NIBAN2: variants seen among roughly 807,000 people sequenced by gnomAD.
NIBAN2 encodes the protein protein Niban 2.
NIBAN2 carries 36 observed loss-of-function variants against 81.8 expected under a neutral mutation model. The ratio of observed to expected loss-of-function variants is 0.44; its 90% confidence interval spans 0.34 to 0.58. The LOEUF (loss-of-function observed/expected upper bound fraction) is 0.58. Ranked by LOEUF, NIBAN2 falls within the 20% of genes least tolerant of loss-of-function variation. The probability of loss-of-function intolerance (pLI) is 0.02; values close to 1 mark genes in which losing one functional copy is unlikely to be tolerated. For missense variants in NIBAN2, 897 were observed against 1,014.1 expected (o/e 0.88, Z 1.57); for synonymous variants, 445 against 441.6 (o/e 1.01, Z -0.10).
At chr9:127,525,612 C>T (rs1837048856) in intron 3 of NIBAN2, among the ~76,000 whole-genome samples, 1 of 152,138 alleles carries the variant, frequency 6.6e-6, no homozygotes, top group African/African-American at 2.4e-5. Context: ...GCGAGCTTGG[C>T]CGAGGTTGTT....
chr9:127,575,109 A>C (rs1464408702), intron 1 of NIBAN2, among the ~76,000 whole-genome samples: 1 of 152,092 alleles, frequency 6.6e-6, no homozygotes, highest in Non-Finnish European at 1.5e-5. Flanking sequence ...CAGACATGGC[A>C]CTGGGGGCCC....
chr9:127,510,339 CCCCG>C lies in NIBAN2; in HGVS notation c.974-10_974-7del, dbSNP rs771826687. On this transcript the variant is annotated splice_region_variant and splice_polypyrimidine_tract_variant and intron_variant, in intron 8 of 13. Transcript: ENST00000373312. ...TGCCTTGGGGAGGATGAAGGCTGTG[CCCCG>C]AGGGAGCCGGGTCAGCAGGGGCTCC... 2 of 1,586,536 alleles carry C rather than the reference CCCCG, an allele frequency of 1.3e-6. No homozygotes were observed. The highest frequency in any genetic ancestry group is 1.7e-6 in the Non-Finnish European group (2 of 1,160,958).
At chr9:127,521,575 G>T (rs922373412) in intron 5 of NIBAN2, among the ~76,000 whole-genome samples, 5 of 138,826 alleles carry the variant, frequency 3.6e-5, no homozygotes, top group Admixed American at 3.0e-4. Context: ...GGCAGCCCCC[G>T]GAGTGAGCAA....
rs1248890502 is a variant in NIBAN2, at chr9:127,506,955, G to A, written c.2131C>T (p.Pro711Ser). The change falls in exon 14 of 14, where the codon CCC becomes TCC. Residue 711 changes from proline (P) to serine (S), a missense_variant. This residue lies in a region of NIBAN2 where 619 missense variants were observed against 691.0 expected (regional missense o/e 0.90). Coordinates refer to ENST00000373312, the MANE Select transcript of NIBAN2 (RefSeq NM_022833.4). Reference sequence around the variant, plus strand: ...GTCTCCTGGTCGCTGGGCTTGGGGGGCCCAAGGTCCACAGCCTTTCCAGGC... The same window carrying A: ...GTCTCCTGGTCGCTGGGCTTGGGGGACCCAAGGTCCACAGCCTTTCCAGGC... The part of the protein sequence containing the change: ...LLPGKAVDLG[P>S]PKPSDQETGE... 1.9e-6 allele frequency: 3 copies of A among 1,607,042 alleles called. No individual in the cohort carries two copies. The highest frequency in any genetic ancestry group is 1.3e-5 in the African/African-American group (1 of 74,782).
intron 4 of NIBAN2, among the ~76,000 whole-genome samples, chr9:127,524,095 T>A (rs1014758867): frequency 2.0e-5 from 3 of 152,154 alleles, no homozygotes; most frequent in Non-Finnish European, 2.9e-5. Flanking sequence ...ATAAGTCACA[T>A]CCACCCCACT....
intron 1 of NIBAN2, among the ~76,000 whole-genome samples, chr9:127,540,944 AC>A (rs1225350729): frequency 6.6e-6 from 1 of 152,184 alleles, no homozygotes; most frequent in Non-Finnish European, 1.5e-5. Flanking sequence ...AGGTAGCAGC[AC>A]CCTGTAGGGT....
intron 5 of NIBAN2, among the ~76,000 whole-genome samples, chr9:127,520,619 A>G (rs1241839411): frequency 1.3e-5 from 2 of 152,166 alleles, no homozygotes; most frequent in Non-Finnish European, 2.9e-5. Flanking sequence ...TGCCCTTAAA[A>G]GAATAGTACA....
intron 8 of NIBAN2, among the ~76,000 whole-genome samples, chr9:127,513,439 C>T (rs1377478171): frequency 6.6e-6 from 1 of 152,058 alleles, no homozygotes; most frequent in Admixed American, 6.6e-5. Flanking sequence ...CACTGCCAGG[C>T]GGTGAAGGCA....
At position 127,506,680 on chromosome 9, in the gene NIBAN2, A is replaced by G. The variant is rs1312077523; in HGVS notation, c.*165T>C. On this transcript the variant is annotated 3_prime_UTR_variant, in exon 14 of 14. Transcript: ENST00000373312. Reference sequence around the variant, plus strand: ...CAGGGAGCAAGAAAGTGTTGACTGAACCCAATAAAGTGACTCAGGTGGGCC... The same window carrying G: ...CAGGGAGCAAGAAAGTGTTGACTGAGCCCAATAAAGTGACTCAGGTGGGCC... The G allele has an allele frequency of 2.0e-6, 1 of 505,060 alleles. No individual in the cohort carries two copies. The highest frequency in any genetic ancestry group is 3.7e-5 in the Admixed American group (1 of 26,830). 31.3% of individuals were successfully genotyped at this position (505,060 alleles called of 1,614,324 possible). A position where few individuals can be genotyped will look rare whatever the true frequency, so the allele number is the denominator to read the frequency against.
At chr9:127,549,635 GA>G (rs1157318283) in intron 1 of NIBAN2, among the ~76,000 whole-genome samples, 2 of 152,230 alleles carry the variant, frequency 1.3e-5, no homozygotes, top group African/African-American at 2.4e-5. Flanking sequence ...GCCAGGGAGG[GA>G]AAGAAGGGGA....
chr9:127,572,500 A>G (rs1837960440), upstream of NIBAN2, among the ~76,000 whole-genome samples: 1 of 152,166 alleles, frequency 6.6e-6, no homozygotes, highest in Admixed American at 6.6e-5. Flanking sequence ...TAGGGTGACA[A>G]GTGGGGTTGG....
chr9:127,532,180 A>C (rs1047841355), intron 1 of NIBAN2, among the ~76,000 whole-genome samples: 2 of 152,220 alleles, frequency 1.3e-5, no homozygotes, highest in Non-Finnish European at 2.9e-5. Flanking sequence ...ACCTCTAGGA[A>C]TCTACCCCCA....
chr9:127,566,278 C>T (rs1271593643), intron 1 of NIBAN2, among the ~76,000 whole-genome samples: 1 of 152,178 alleles, frequency 6.6e-6, no homozygotes, highest in East Asian at 1.9e-4. Flanking sequence ...GGCCCACCCA[C>T]TTCGGTTCAC....
chr9:127,517,253 A>C lies in NIBAN2; in HGVS notation c.706-37T>G, dbSNP rs1341256199. The C allele has an allele frequency of 6.3e-7, 1 of 1,576,426 alleles. No homozygotes were observed. On this transcript the variant is annotated intron_variant, in intron 6 of 13. Coordinates refer to ENST00000373312, the MANE Select transcript of NIBAN2 (RefSeq NM_022833.4). This position sits in a 1 kb window ranked among gnomAD's most constrained non-coding sequence, Gnocchi z 4.0. ...AGGCACAAGCCAGGCCAGGGGCTGG[A>C]GAGCGCTCAGCTGGCCTGTTTCTCT...
chr9:127,507,755 G>C lies in NIBAN2; in HGVS notation c.1654+112C>G. 1 of 957,016 alleles carries C rather than the reference G, an allele frequency of 1.0e-6. No individual in the cohort carries two copies. Among genetic ancestry groups the C allele is most frequent in the South Asian group, 1.4e-5 (1 of 69,432 alleles). The allele number at this position is 957,016 out of a possible 1,614,324, so 59.3% of individuals were successfully genotyped here. On this transcript the variant is annotated intron_variant, in intron 13 of 13. Coordinates refer to ENST00000373312, the MANE Select transcript of NIBAN2 (RefSeq NM_022833.4). This position sits in a 1 kb window ranked among gnomAD's most constrained non-coding sequence, Gnocchi z 6.8. ...AGTGGGCTTCACCCAGACCCCAGGT[G>C]CAAGTCTGGGCTTTTCTTTGAGCCT...
intron 1 of NIBAN2, among the ~76,000 whole-genome samples, chr9:127,551,860 G>A (rs1268419983): frequency 6.6e-6 from 1 of 152,202 alleles, no homozygotes; most frequent in Non-Finnish European, 1.5e-5. Context: ...TCTACTCTGG[G>A]CCTCTGCAGA....
intron 1 of NIBAN2, among the ~76,000 whole-genome samples, chr9:127,544,891 G>A (rs889569087): frequency 1.3e-5 from 2 of 152,162 alleles, no homozygotes; most frequent in African/African-American, 4.8e-5. Context: ...CTCCTAAGAG[G>A]CCACTGGACC....
chr9:127,529,352 G>A (rs1283046428), intron 2 of NIBAN2, among the ~76,000 whole-genome samples: 1 of 152,220 alleles, frequency 6.6e-6, no homozygotes, highest in Non-Finnish European at 1.5e-5. Context: ...GATAACTGCT[G>A]TTTTAGCCGG....
Position 127,535,278 on chromosome 9 carries a change from G to A in NIBAN2, c.56-3500C>T, listed in dbSNP as rs113536880. Among the ~76,000 whole-genome samples the A allele has an allele frequency of 7.3e-3, 1,109 of 152,354 alleles. 3 individuals carry two copies. The highest frequency in any genetic ancestry group is 0.012 in the Non-Finnish European group (794 of 68,028). ...GACTCGAACACAGGTCTGCCTGACC[G>A]CAGCCCGTGCTCAACTGCCCGGACA... On this transcript the variant is annotated intron_variant, in intron 1 of 13. Transcript: ENST00000373312.
Sources: gnomAD v4.1 joint callset for allele counts (sites outside exome capture counted in the v4.1 genomes callset) on GRCh38, gnomAD v4.1.1 for gene constraint, gnomAD v4.1.1 regional missense constraint, Gnocchi (gnomAD v3.1) non-coding constraint, MANE v1.5 for transcripts, NCBI Gene and HGNC (gene_info 2026-07-23, HGNC 2026-07-21) for gene names.